Variants in DOCK8 observed in about 807,000 individuals in gnomAD.
DOCK8 encodes dedicator of cytokinesis protein 8.
DOCK8 carries 141 observed loss-of-function variants against 245.6 expected under a neutral mutation model. The ratio of observed to expected loss-of-function variants is 0.57; its 90% confidence interval spans 0.50 to 0.66. The LOEUF is 0.66. Ranked by LOEUF, DOCK8 falls within the 30% of genes least tolerant of loss-of-function variation. DOCK8 has a pLI of 0.00. For missense variants in DOCK8, 2,965 were observed against 2,603.4 expected (o/e 1.14, Z -3.02); for synonymous variants, 1,168 against 970.2 (o/e 1.20, Z -3.79).
chr9:293,747 G>A (rs533691204), intron 4 of DOCK8, among the ~76,000 whole-genome samples: 1 of 152,340 alleles, frequency 6.6e-6, no homozygotes, highest in East Asian at 1.9e-4. Flanking sequence ...CAGTTTTTCT[G>A]TGTCTTCATA....
At chr9:359,045 C>G (rs4741831) in intron 14 of DOCK8, among the ~76,000 whole-genome samples, 129,212 of 152,176 alleles carry the variant, frequency 0.85, 55,294 homozygotes, top group South Asian at 0.91. Flanking sequence ...TGTAGGTTCT[C>G]ATCTAGCAGG....
rs2055903183 is a variant in DOCK8, at chr9:414,697, C to CAA, written c.3531-85_3531-84insAA. The CAA allele has an allele frequency of 7.8e-6, 12 of 1,536,164 alleles. No individual in the cohort carries two copies. The Admixed American group carries it at 2.0e-4, about 26-fold the overall frequency. On this transcript the variant is annotated intron_variant, in intron 28 of 47. Transcript: ENST00000432829. ...TCACAGTCACCTCATTGCTTAGGAG[C>CAA]GTTTTCATCACTCTTGACTGTTTAA...
chr9:400,880 TCCAC>T (rs2054986533), intron 26 of DOCK8, among the ~76,000 whole-genome samples: 2 of 36,736 alleles, frequency 5.4e-5, no homozygotes, highest in East Asian at 1.2e-3. Flanking sequence ...CACCACCACC[TCCAC>T]CACCACCACC....
intron 46 of DOCK8, chr9:460,247 C>T (rs1456082637): frequency 6.6e-6 from 1 of 152,218 alleles, no homozygotes; most frequent in African/African-American, 2.4e-5. Context: ...TTAACTCAGT[C>T]AAGGGCACAT....
Position 399,333 on chromosome 9 carries a change from A to G in DOCK8, c.3234+74A>G, listed in dbSNP as rs147891680. 1.7e-3 allele frequency: 1,760 copies of G among 1,057,214 alleles called. 2 individuals are homozygous for G. The highest frequency in any genetic ancestry group is 4.9e-3 in the South Asian group (385 of 78,332). The allele number at this position is 1,057,214 out of a possible 1,614,324, so 65.5% of individuals were successfully genotyped here. On this transcript the variant is annotated intron_variant, in intron 26 of 47. Transcript: ENST00000432829. The stretch of plus-strand genomic sequence containing the variant: ...CTCATATAATGTGATGTTCGTTGCC[A>G]TGGCACGCTGTCTTCTTCATTACTG...
intron 34 of DOCK8, 119 bp from the exon 35 acceptor site, chr9:428,243 A>G (rs2056571250): frequency 1.3e-6 from 2 of 1,537,594 alleles, no homozygotes; most frequent in Non-Finnish European, 8.9e-7. Flanking sequence ...GTGGCTCACC[A>G]AACTCTTAAG....
In DOCK8 at chr9:442,106, T is replaced by A; in HGVS notation, c.5490+97T>A. The A allele has an allele frequency of 2.0e-6, 3 of 1,528,078 alleles. No individual in the cohort carries two copies. The South Asian group carries it at 3.4e-5, about 17-fold the overall frequency. The allele number at this position is 1,528,078 out of a possible 1,614,324, so 94.7% of individuals were successfully genotyped here. On this transcript the variant is annotated intron_variant, in intron 42 of 47. Transcript: ENST00000432829. ...AAATAAACAAATAAAGAGTTATGGA[T>A]TCATCATTGATCTCTACATAAAGTT...
At chr9:281,260 A>AAG (rs1563869994) in intron 2 of DOCK8, among the ~76,000 whole-genome samples, 1 of 141,528 alleles carries the variant, frequency 7.1e-6, no homozygotes. Context: ...AAAAAAAAAA[A>AAG]GTAGTTTTGG....
intron 17 of DOCK8, 56 bp from the exon 18 acceptor site, chr9:372,129 A>G: frequency 1.4e-6 from 2 of 1,465,352 alleles, no homozygotes; most frequent in Non-Finnish European, 1.9e-6. Flanking sequence ...TAGATAAATT[A>G]TCAGAATTAT....
chr9:441,859 ATATTT>A lies in DOCK8; in HGVS notation c.5356-14_5356-10del. The A allele has an allele frequency of 1.2e-6, 2 of 1,614,100 alleles. No individual in the cohort carries two copies. Among genetic ancestry groups the A allele is most frequent in the Non-Finnish European group, 1.7e-6 (2 of 1,180,010 alleles). ...ATGACATAACTAAGGAGAGCTTTTT[ATATTT>A]TGTTCCTCAGGATCATAAGAGAATG... On this transcript the variant is annotated splice_polypyrimidine_tract_variant and intron_variant, in intron 41 of 47. Transcript: ENST00000432829.
chr9:386,030 G>A (rs1028220518), intron 22 of DOCK8, among the ~76,000 whole-genome samples: 3 of 151,820 alleles, frequency 2.0e-5, no homozygotes, highest in African/African-American at 7.3e-5. Context: ...TTTTTTCCTG[G>A]CGTCCCCTGA....
intron 2 of DOCK8, chr9:280,979 C>T (rs1332364566): frequency 6.6e-6 from 1 of 152,260 alleles, no homozygotes; most frequent in Non-Finnish European, 1.5e-5. Flanking sequence ...AGGGGTTGGG[C>T]ACGGTGGCTC....
intron 26 of DOCK8, among the ~76,000 whole-genome samples, chr9:400,792 C>T: frequency 2.3e-5 from 1 of 43,814 alleles, no homozygotes; most frequent in Admixed American, 2.6e-4. Flanking sequence ...CCTCCACCAT[C>T]ACCACCACCT....
At chr9:425,397 TG>T (rs2056446525) in intron 33 of DOCK8, among the ~76,000 whole-genome samples, 1 of 152,082 alleles carries the variant, frequency 6.6e-6, no homozygotes, top group African/African-American at 2.4e-5. Flanking sequence ...CCGGGCGCGG[TG>T]GCGGGCGCCT....
rs1564016750 is a variant in DOCK8 at position 400,954 on chromosome 9, CA to C, written c.3234+1696del. ...CAACATCCACCACCACCATCACCAC[CA>C]CCACCACCACCTCCTCCACCATCAC... On this transcript the variant is annotated intron_variant, in intron 26 of 47. Coordinates refer to ENST00000432829, the MANE Select transcript of DOCK8 (RefSeq NM_203447.4). Among the ~76,000 whole-genome samples, 8 of 138,778 alleles carry C rather than the reference CA, an allele frequency of 5.8e-5. 2 individuals carry two copies. Among genetic ancestry groups the C allele is most frequent in the African/African-American group, 1.6e-4 (6 of 37,172 alleles). The allele number at this position is 138,778 out of a possible 152,430, so 91.0% of individuals were successfully genotyped here.
chr9:350,881 G>A (rs1404557703), intron 14 of DOCK8, among the ~76,000 whole-genome samples: 1 of 152,126 alleles, frequency 6.6e-6, no homozygotes, highest in African/African-American at 2.4e-5. Context: ...TCAGAGCTGT[G>A]GACCCCCGTC....
At chr9:358,409 A>T (rs957292840) in intron 14 of DOCK8, among the ~76,000 whole-genome samples, 1 of 152,218 alleles carries the variant, frequency 6.6e-6, no homozygotes, top group African/African-American at 2.4e-5. Flanking sequence ...CCATTCTAAA[A>T]AGTGTCTAAG....
chr9:328,185 A>C lies in DOCK8; in HGVS notation c.1044+14A>C. The C allele has an allele frequency of 1.2e-6, 2 of 1,610,330 alleles. No homozygotes were observed. Among genetic ancestry groups the C allele is most frequent in the Non-Finnish European group, 1.7e-6 (2 of 1,177,974 alleles). Reference sequence around the variant, plus strand: ...CTGGTAGTCAAGGTAATTCAGTACGATCTGATTTGCCCAATCTGATGTTTT... The same window carrying C: ...CTGGTAGTCAAGGTAATTCAGTACGCTCTGATTTGCCCAATCTGATGTTTT... On this transcript the variant is annotated intron_variant, in intron 9 of 47. Transcript: ENST00000432829.
intron 1 of DOCK8, among the ~76,000 whole-genome samples, chr9:245,095 A>T (rs1365726725): frequency 6.6e-6 from 1 of 152,174 alleles, no homozygotes; most frequent in Admixed American, 6.5e-5. Flanking sequence ...TTCAGGTCCC[A>T]GGCCCCTAAG....
Sources: allele counts gnomAD v4.1 joint callset (sites outside exome capture counted in the v4.1 genomes callset), GRCh38; gene constraint gnomAD v4.1.1; transcripts MANE v1.5; gene names NCBI Gene and HGNC (gene_info 2026-07-23, HGNC 2026-07-21).